Variants in TNRC18 observed in about 807,000 individuals in gnomAD.
The protein encoded by TNRC18 is trinucleotide repeat-containing gene 18 protein.
In TNRC18, 69 loss-of-function variants were observed where a neutral mutation model predicts 226.7. That is an observed-to-expected ratio of 0.30 (90% CI 0.25 to 0.37). The LOEUF (loss-of-function observed/expected upper bound fraction) is 0.37, where lower values mean the gene tolerates loss of function less well. TNRC18 is among the 10% of genes least tolerant of loss of function. TNRC18 has a pLI of 1.00. For synonymous variants in TNRC18, 2,449 were observed against 1,927.6 expected (o/e 1.27, Z -7.09); for missense variants, 4,754 against 4,256.6 (o/e 1.12, Z -3.25).
intron 11 of TNRC18, among the ~76,000 whole-genome samples, chr7:5,367,632 T>C (rs1252096717): frequency 6.6e-6 from 1 of 151,696 alleles, no homozygotes; most frequent in Non-Finnish European, 1.5e-5. Flanking sequence ...TTCACCATGT[T>C]GGCCAGGCTG....
Position 5,324,146 on chromosome 7 carries a change from CAGAT to C in TNRC18, c.6442+64_6442+67del. The C allele has an allele frequency of 8.6e-6, 13 of 1,510,120 alleles. No homozygotes were observed. The highest frequency in any genetic ancestry group is 1.2e-5 in the Non-Finnish European group (13 of 1,128,668). 93.5% of individuals were successfully genotyped at this position (1,510,120 alleles called of 1,614,324 possible). A position where few individuals can be genotyped will look rare whatever the true frequency, so the allele number is the denominator to read the frequency against. On this transcript the variant is annotated intron_variant, in intron 21 of 29. Coordinates refer to ENST00000430969, the MANE Select transcript of TNRC18 (RefSeq NM_001080495.3). The surrounding 1 kb of genome is among the most constrained non-coding windows in gnomAD (Gnocchi z 4.8). The stretch of plus-strand genomic sequence containing the variant: ...CAGCCCTTCAGTCTCAAGCCTTGCT[CAGAT>C]CTGCCTCCCCCAAGGGAGGCTCCAG...
intron 5 of TNRC18, among the ~76,000 whole-genome samples, chr7:5,382,222 A>G (rs1270100111): frequency 1.3e-5 from 2 of 152,186 alleles, no homozygotes; most frequent in Non-Finnish European, 2.9e-5. Context: ...ATCAGCGTCC[A>G]AGTCGGCCCT....
chr7:5,409,812 T>TAAAAAAAAA (rs35153914), intron 2 of TNRC18, among the ~76,000 whole-genome samples: 2 of 104,732 alleles, frequency 1.9e-5, no homozygotes, highest in African/African-American at 3.6e-5. Context: ...CCGTCTCTAC[T>TAAAAAAAAA]AAAAAAAAAA....
rs114514966 is a variant in TNRC18, at chr7:5,307,837, G to A, written c.*269C>T. On this transcript the variant is annotated 3_prime_UTR_variant, in exon 30 of 30. Transcript: ENST00000430969. Reference sequence around the variant, plus strand: ...TGCAACGTGCTGGGCAGGAAGGGCCGGTCCGGCCATACCCTGATAGCTAAG... The same window carrying A: ...TGCAACGTGCTGGGCAGGAAGGGCCAGTCCGGCCATACCCTGATAGCTAAG... 1.5e-3 allele frequency: 766 copies of A among 518,148 alleles called. 3 individuals are homozygous for A. The highest frequency in any genetic ancestry group is 0.013 in the African/African-American group (659 of 52,120). The allele number at this position is 518,148 out of a possible 1,614,324, so 32.1% of individuals were successfully genotyped here. A position where few individuals can be genotyped will look rare whatever the true frequency, so the allele number is the denominator to read the frequency against.
At chr7:5,373,941 T>A in intron 10 of TNRC18, 114 bp downstream of exon 10, 1 of 810,744 alleles carries the variant, frequency 1.2e-6, no homozygotes, top group Non-Finnish European at 1.8e-6. Flanking sequence ...ACGCAGGAGG[T>A]GCTCCGTGGA....
intron 11 of TNRC18, among the ~76,000 whole-genome samples, chr7:5,365,382 A>AAT (rs1793510327): frequency 6.6e-6 from 1 of 151,564 alleles, no homozygotes; most frequent in Admixed American, 6.6e-5. Context: ...CAAAGTGCTG[A>AAT]GATTACAGGC....
At chr7:5,363,906 C>T (rs1328607546) in intron 11 of TNRC18, among the ~76,000 whole-genome samples, 1 of 152,070 alleles carries the variant, frequency 6.6e-6, no homozygotes, top group African/African-American at 2.4e-5. Context: ...ACACAGGTCC[C>T]TCCCTCGGGA....
chr7:5,323,570 T>TTTTTTG (rs1182228882), intron 21 of TNRC18, among the ~76,000 whole-genome samples: 1 of 148,400 alleles, frequency 6.7e-6, no homozygotes, highest in East Asian at 2.0e-4. Context: ...ACCAGACAGT[T>TTTTTTG]TTTTTTTTTT....
Position 5,389,306 on chromosome 7 carries a change from G to A in TNRC18, c.518C>T (p.Pro173Leu). 2 of 1,281,474 alleles carry A rather than the reference G, an allele frequency of 1.6e-6. No individual in the cohort carries two copies. Among genetic ancestry groups the A allele is most frequent in the African/African-American group, 1.5e-5 (1 of 65,108 alleles). 79.4% of individuals were successfully genotyped at this position (1,281,474 alleles called of 1,614,324 possible). Residue 173 changes from proline (P) to leucine (L), a missense_variant, in exon 5 of 30, where the codon CCG becomes CTG. By Grantham distance (98) the Pro-to-Leu change is moderately conservative. Coordinates refer to ENST00000430969, the MANE Select transcript of TNRC18 (RefSeq NM_001080495.3). ...DGFYLPTAGA[P>L]GSLHSHAPSA... ...GGGCGCGTGAGAGTGCAGGGAGCCC[G>A]GAGCCCCCGCGGTGGGCAGGTAGAA...
intron 3 of TNRC18, among the ~76,000 whole-genome samples, chr7:5,392,166 A>T (rs1780348833): frequency 6.6e-6 from 1 of 152,136 alleles, no homozygotes; most frequent in Non-Finnish European, 1.5e-5. Context: ...TCATCCAATC[A>T]TTCAAACAGC....
Position 5,325,190 on chromosome 7 carries a change from G to T in TNRC18, c.6206C>A (p.Ala2069Asp). 1 of 1,554,190 alleles carries T rather than the reference G, an allele frequency of 6.4e-7. No individual in the cohort carries two copies. The change falls in exon 20 of 30, where the codon GCC becomes GAC. Residue 2069 changes from alanine to aspartate, a missense_variant. Transcript: ENST00000430969. ...GAGLPPPRAP[A>D]LPSEARAPHA... is the part of the protein sequence containing the mutation. Reference sequence around the variant, plus strand: ...AGGAGCCCTGGCCTCAGAGGGCAAGGCAGGAGCTCGGGGCGGCGGCAGCCC... The same window carrying T: ...AGGAGCCCTGGCCTCAGAGGGCAAGTCAGGAGCTCGGGGCGGCGGCAGCCC...
chr7:5,308,505 G>T (rs1786823100), intron 29 of TNRC18, among the ~76,000 whole-genome samples, 193 bp from the exon 30 acceptor site: 1 of 152,122 alleles, frequency 6.6e-6, no homozygotes, highest in Non-Finnish European at 1.5e-5. Context: ...GAGAGCAAAT[G>T]AGAGACAAGG....
At chr7:5,355,008 G>A (rs1302342102) in intron 16 of TNRC18, among the ~76,000 whole-genome samples, 1 of 152,154 alleles carries the variant, frequency 6.6e-6, no homozygotes, top group African/African-American at 2.4e-5. Flanking sequence ...CAGACACACA[G>A]AACCAGGCAG....
In TNRC18 at chr7:5,309,845, TC is replaced by T. The variant is rs1786998080; in HGVS notation, c.8389-478del. Among the ~76,000 whole-genome samples, 2 of 152,150 alleles carry T rather than the reference TC, an allele frequency of 1.3e-5. No individual in the cohort carries two copies. Among genetic ancestry groups the T allele is most frequent in the South Asian group, 4.1e-4 (2 of 4,834 alleles). On this transcript the variant is annotated intron_variant, in intron 27 of 29. Coordinates refer to ENST00000430969, the MANE Select transcript of TNRC18 (RefSeq NM_001080495.3). This position sits in a 1 kb window ranked among gnomAD's most constrained non-coding sequence, Gnocchi z 5.7. Reference sequence around the variant, plus strand: ...TCAGACTTTTGGCCTCAAACCACCCTCCCACCTTTGCCTCCCAAAGCACTAG... The same window carrying T: ...TCAGACTTTTGGCCTCAAACCACCCTCCACCTTTGCCTCCCAAAGCACTAG...
intron 2 of TNRC18, among the ~76,000 whole-genome samples, chr7:5,414,686 A>C (rs1483943036): frequency 6.6e-6 from 1 of 152,228 alleles, no homozygotes; most frequent in Non-Finnish European, 1.5e-5. Context: ...TACTGGGATT[A>C]CAGGCGTGAG....
chr7:5,388,791 G>T lies in TNRC18; in HGVS notation c.1033C>A (p.Pro345Thr). The T allele has an allele frequency of 8.3e-7, 1 of 1,205,254 alleles. No individual in the cohort carries two copies. 74.7% of individuals were successfully genotyped at this position (1,205,254 alleles called of 1,614,324 possible). A position where few individuals can be genotyped will look rare whatever the true frequency, so the allele number is the denominator to read the frequency against. The part of the protein sequence containing the change: ...LPPPPAPPKG[P>T]PAPPAATPAG... ...GGGGTGGCCGCGGGGGGTGCAGGAGGCCCCTTGGGGGGCGCGGGCGGCGGG... is the reference window on the plus strand; with the variant it reads ...GGGGTGGCCGCGGGGGGTGCAGGAGTCCCCTTGGGGGGCGCGGGCGGCGGG... Residue 345 changes from proline (P) to threonine (T), a missense_variant, in exon 5 of 30, where the codon CCT becomes ACT. Coordinates refer to ENST00000430969, the MANE Select transcript of TNRC18 (RefSeq NM_001080495.3).
At chr7:5,349,647 C>G (rs2128143675) in intron 17 of TNRC18, among the ~76,000 whole-genome samples, 1 of 152,332 alleles carries the variant, frequency 6.6e-6, no homozygotes, top group Non-Finnish European at 1.5e-5. Flanking sequence ...ACCCGCTGCG[C>G]CGTCTGCCCT....
chr7:5,308,919 G>C lies in TNRC18; in HGVS notation c.8656C>G (p.Pro2886Ala). Reference sequence around the variant, plus strand: ...TGGCTGGAGACCCGCAGGGCCGCCGGGAGGCTGCGGCTGGACTTCTGGTCC... The same window carrying C: ...TGGCTGGAGACCCGCAGGGCCGCCGCGAGGCTGCGGCTGGACTTCTGGTCC... Reference protein sequence around the residue: ...HWDQKSSRSLPAALRVSSQRK... With the variant: ...HWDQKSSRSLAAALRVSSQRK... The change falls in exon 29 of 30, where the codon CCG (proline) becomes GCG (alanine). Residue 2886 changes from proline (P) to alanine (A), a missense_variant. Transcript: ENST00000430969. 1.2e-6 allele frequency: 2 copies of C among 1,601,620 alleles called. No homozygotes were observed. Among genetic ancestry groups the C allele is most frequent in the Non-Finnish European group, 1.7e-6 (2 of 1,175,386 alleles).
intron 2 of TNRC18, among the ~76,000 whole-genome samples, chr7:5,414,355 C>T (rs1782028176): frequency 6.6e-6 from 1 of 151,454 alleles, no homozygotes; most frequent in Non-Finnish European, 1.5e-5. Flanking sequence ...TTTCCTGAAC[C>T]ATTCCGAGGA....
Sources: gnomAD v4.1 joint callset for allele counts (sites outside exome capture counted in the v4.1 genomes callset) on GRCh38, gnomAD v4.1.1 for gene constraint, Gnocchi (gnomAD v3.1) non-coding constraint, MANE v1.5 for transcripts, NCBI Gene and HGNC (gene_info 2026-07-23, HGNC 2026-07-21) for gene names.